The following CAMK1D variants were observed in gnomAD, a reference collection of about 807,000 sequenced individuals.
CAMK1D encodes the protein calcium/calmodulin-dependent protein kinase type 1D.
CAMK1D carries 9 observed loss-of-function variants against 47.7 expected under a neutral mutation model. The ratio of observed to expected loss-of-function variants is 0.19; its 90% CI spans 0.11 to 0.33. The LOEUF is 0.33. Ranked by LOEUF, CAMK1D falls within the 10% of genes least tolerant of loss-of-function variation. The pLI, the probability that CAMK1D is intolerant of heterozygous loss-of-function variation, is 1.00. For missense variants in CAMK1D, 291 were observed against 488.7 expected, an observed-to-expected ratio of 0.60 and a Z score of 3.81; for synonymous variants, 184 against 184.9, an observed-to-expected ratio of 0.99 and a Z score of 0.04.
chr10:12,609,583 A>T (rs1564443145), intron 2 of CAMK1D, among the ~76,000 whole-genome samples: 1 of 152,210 alleles, frequency 6.6e-6, no homozygotes, highest in Non-Finnish European at 1.5e-5. Context: ...GATCCCTCGC[A>T]TGCGCAGTTC....
chr10:12,746,200 T>TA lies in CAMK1D; in HGVS notation c.300-14741dup, dbSNP rs1258455358. Among the ~76,000 whole-genome samples the TA allele has an allele frequency of 3.6e-5, 5 of 140,304 alleles. No homozygotes were observed. The East Asian group carries it at 5.8e-4, about 16-fold the overall frequency. 92.0% of individuals were successfully genotyped at this position (140,304 alleles called of 152,430 possible). ...TAACACGGTGAAACCCCGTCTCTAC[T>TA]AAAAAAACAAAAAATTAGCTGGGCG... On this transcript the variant is annotated intron_variant, in intron 3 of 10. Coordinates refer to ENST00000619168, the MANE Select transcript of CAMK1D (RefSeq NM_153498.4).
chr10:12,481,320 C>G lies in CAMK1D; in HGVS notation c.93-71905C>G, dbSNP rs527753108. Among the ~76,000 whole-genome samples, 99 of 152,262 alleles carry G rather than the reference C, an allele frequency of 6.5e-4. 1 individual carries two copies. The highest frequency in any genetic ancestry group is 2.3e-3 in the African/African-American group (97 of 41,558). On this transcript the variant is annotated intron_variant, in intron 1 of 10. Transcript: ENST00000619168. ...CTTGGCTCAGCCAGTCCTGTGGCCC[C>G]ACCTAGAAAGGGACTCAGTACACCA...
chr10:12,655,364 T>G (rs1175021307), intron 2 of CAMK1D, among the ~76,000 whole-genome samples: 1 of 152,158 alleles, frequency 6.6e-6, no homozygotes, highest in Non-Finnish European at 1.5e-5. Context: ...AGACCCCATG[T>G]TCAAGCATTG....
At chr10:12,687,538 C>T (rs1475046173) in intron 3 of CAMK1D, among the ~76,000 whole-genome samples, 1 of 152,136 alleles carries the variant, frequency 6.6e-6, no homozygotes, top group Non-Finnish European at 1.5e-5. Flanking sequence ...CGTCTAAATT[C>T]TAACTAAATT....
chr10:12,834,887 C>T lies in CAMK1D; in HGVS notation c.*6000C>T, dbSNP rs1282622615. 6.6e-6 allele frequency: 1 copy of T among 152,146 alleles called. No individual in the cohort carries two copies. Among genetic ancestry groups the T allele is most frequent in the Admixed American group, 6.5e-5 (1 of 15,272 alleles). The allele number at this position is 152,146 out of a possible 1,614,324, so 9.4% of individuals were successfully genotyped here. ...CCCTGGGACGTGGTTGGCAGCCAGG[C>T]TGCGAGAGAGCTAAAAAGGAACAAG... On this transcript the variant is annotated 3_prime_UTR_variant, in exon 11 of 11. Transcript: ENST00000619168.
At chr10:12,384,265 A>C (rs1226136711) in intron 1 of CAMK1D, among the ~76,000 whole-genome samples, 1 of 152,220 alleles carries the variant, frequency 6.6e-6, no homozygotes, top group African/African-American at 2.4e-5. Context: ...AATGTTGTGG[A>C]GATAGCAAAA....
intron 1 of CAMK1D, among the ~76,000 whole-genome samples, chr10:12,378,142 T>C (rs1838235797): frequency 6.6e-6 from 1 of 152,248 alleles, no homozygotes; most frequent in Admixed American, 6.5e-5. Flanking sequence ...GCCAGCCTCA[T>C]GGGCGTTCAC....
intron 1 of CAMK1D, among the ~76,000 whole-genome samples, chr10:12,485,808 A>G (rs944751050): frequency 1.3e-5 from 2 of 152,180 alleles, no homozygotes; most frequent in African/African-American, 4.8e-5. Flanking sequence ...TTTTCCCAGC[A>G]TATTAACTAG....
At chr10:12,374,283 AAAAAG>A (rs1212218717) in intron 1 of CAMK1D, among the ~76,000 whole-genome samples, 1 of 151,404 alleles carries the variant, frequency 6.6e-6, no homozygotes, top group Non-Finnish European at 1.5e-5. Context: ...AAAAAAAAGA[AAAAAG>A]AAAAAAAGAG....
chr10:12,461,134 C>T (rs889644347), intron 1 of CAMK1D, among the ~76,000 whole-genome samples: 5 of 152,184 alleles, frequency 3.3e-5, no homozygotes, highest in African/African-American at 4.8e-5. Flanking sequence ...GGATCGTCCT[C>T]ATCCACCATT....
intron 2 of CAMK1D, among the ~76,000 whole-genome samples, chr10:12,607,699 A>C (rs1372194205): frequency 6.6e-6 from 1 of 152,202 alleles, no homozygotes; most frequent in African/African-American, 2.4e-5. Flanking sequence ...AGTGGATCAC[A>C]CTTGTAATCC....
chr10:12,630,119 G>T (rs1007721587), intron 2 of CAMK1D, among the ~76,000 whole-genome samples: 1 of 152,120 alleles, frequency 6.6e-6, no homozygotes, highest in Non-Finnish European at 1.5e-5. Flanking sequence ...TAGCCATAAG[G>T]ATGTAGGATA....
intron 9 of CAMK1D, among the ~76,000 whole-genome samples, chr10:12,825,296 T>G (rs1204620980): frequency 3.4e-5 from 5 of 147,834 alleles, no homozygotes; most frequent in Non-Finnish European, 7.5e-5. Flanking sequence ...CCACATCTCT[T>G]AAATTACAGA....
intron 1 of CAMK1D, among the ~76,000 whole-genome samples, chr10:12,481,663 C>A (rs1478808606): frequency 3.9e-5 from 6 of 152,166 alleles, no homozygotes; most frequent in Non-Finnish European, 8.8e-5. Flanking sequence ...GCGTGTACCA[C>A]CACGCCCGGC....
intron 1 of CAMK1D, among the ~76,000 whole-genome samples, chr10:12,530,921 ATGGCGGGCGCC>A (rs1413374042): frequency 6.6e-6 from 1 of 151,940 alleles, no homozygotes; most frequent in Non-Finnish European, 1.5e-5. Flanking sequence ...GCCGAGTGTG[ATGGCGGGCGCC>A]TGTAATCCCA....
chr10:12,576,262 G>T (rs1045883078), intron 2 of CAMK1D, among the ~76,000 whole-genome samples: 3 of 152,040 alleles, frequency 2.0e-5, no homozygotes, highest in Admixed American at 6.6e-5. Context: ...TATTTTGGGG[G>T]TTTTGTACCT....
At chr10:12,420,487 G>A (rs957771809) in intron 1 of CAMK1D, among the ~76,000 whole-genome samples, 6 of 152,142 alleles carry the variant, frequency 3.9e-5, no homozygotes, top group African/African-American at 1.4e-4. Flanking sequence ...AAGATCTTGA[G>A]GTAACTGAGG....
intron 3 of CAMK1D, among the ~76,000 whole-genome samples, chr10:12,735,428 A>G (rs1233360755): frequency 6.6e-6 from 1 of 152,148 alleles, no homozygotes; most frequent in East Asian, 1.9e-4. Flanking sequence ...CAGTGAGCCG[A>G]GATTGCGCCA....
chr10:12,479,322 G>A (rs546850215), intron 1 of CAMK1D, among the ~76,000 whole-genome samples: 1 of 151,788 alleles, frequency 6.6e-6, no homozygotes, highest in Non-Finnish European at 1.5e-5. Context: ...TCAGCCTCCC[G>A]AGTAGCTGGG....
Sources: allele counts gnomAD v4.1 joint callset (sites outside exome capture counted in the v4.1 genomes callset), GRCh38; gene constraint gnomAD v4.1.1; transcripts MANE v1.5; gene names NCBI Gene and HGNC (gene_info 2026-07-23, HGNC 2026-07-21).